DLGAP1: variants seen among roughly 807,000 people sequenced by gnomAD.
DLGAP1 encodes the protein DLG associated protein 1, also known as disks large-associated protein 1.
Under a neutral mutation model 90.8 loss-of-function variants are expected in DLGAP1, and 11 were observed. The ratio of observed to expected loss-of-function variants is 0.12; its 90% CI spans 0.08 to 0.20. The LOEUF is 0.20. Ranked by LOEUF, DLGAP1 falls within the 10% of genes least tolerant of loss-of-function variation. The pLI is 1.00. For missense variants in DLGAP1, 1,050 were observed against 1,333.8 expected, an observed-to-expected ratio of 0.79 and a Z score of 3.31; for synonymous variants, 558 against 540.7, an observed-to-expected ratio of 1.03 and a Z score of -0.44.
intron 1 of DLGAP1, among the ~76,000 whole-genome samples, chr18:4,346,973 A>C (rs1446296801): frequency 6.6e-6 from 1 of 152,142 alleles, no homozygotes; most frequent in Non-Finnish European, 1.5e-5. Context: ...ATCAGAAAAC[A>C]AAAGGCAGAA....
At chr18:4,309,084 G>C (rs1286529519) in intron 1 of DLGAP1, among the ~76,000 whole-genome samples, 1 of 152,176 alleles carries the variant, frequency 6.6e-6, no homozygotes, top group African/African-American at 2.4e-5. Context: ...TACAGTTATC[G>C]GGTAAGATGT....
chr18:3,827,984 T>C (rs1356963554), intron 4 of DLGAP1, among the ~76,000 whole-genome samples: 1 of 152,236 alleles, frequency 6.6e-6, no homozygotes, highest in Non-Finnish European at 1.5e-5. Flanking sequence ...GCTTGCCAAA[T>C]GAATAGTTTT....
intron 8 of DLGAP1, among the ~76,000 whole-genome samples, chr18:3,574,814 ATTTTAT>A (rs1447416801): frequency 1.4e-4 from 7 of 50,198 alleles, no homozygotes; most frequent in African/African-American, 4.3e-4. Flanking sequence ...ATTTTATTTT[ATTTTAT>A]TTTATTTATT....
chr18:3,614,025 G>A (rs572612076), intron 7 of DLGAP1, among the ~76,000 whole-genome samples: 26 of 152,130 alleles, frequency 1.7e-4, no homozygotes, highest in Non-Finnish European at 3.4e-4. Flanking sequence ...AGGTTCAAGC[G>A]ATTCCCCTGC....
intron 6 of DLGAP1, among the ~76,000 whole-genome samples, chr18:3,741,118 C>T (rs2062952496): frequency 2.3e-5 from 3 of 129,688 alleles, no homozygotes; most frequent in Non-Finnish European, 5.0e-5. Context: ...ATCACCACCA[C>T]CATCACCACC....
At position 4,342,950 on chromosome 18, in the gene DLGAP1, G is replaced by A. The variant is rs541776329; in HGVS notation, c.-267+112056C>T. 5.8e-4 allele frequency among the ~76,000 whole-genome samples: 88 copies of A among 152,154 alleles called. No homozygotes were observed. Among genetic ancestry groups the A allele is most frequent in the Non-Finnish European group, 1.1e-3 (74 of 68,004 alleles). ...AAATTTTTGGCTTTATAAAGCTCAC[G>A]GATTATTTCAGATTCAGGATTGTAC... On this transcript the variant is annotated intron_variant, in intron 1 of 12. Coordinates refer to ENST00000315677, the MANE Select transcript of DLGAP1 (RefSeq NM_004746.4). This position sits in a 1 kb window ranked among gnomAD's most constrained non-coding sequence, Gnocchi z 5.8.
chr18:3,559,846 C>A (rs1471965739), intron 9 of DLGAP1, among the ~76,000 whole-genome samples: 1 of 151,886 alleles, frequency 6.6e-6, no homozygotes, highest in Non-Finnish European at 1.5e-5. Flanking sequence ...TGGTCTTGAA[C>A]TCCTGACCTC....
chr18:3,887,021 A>G (rs1307231035), intron 3 of DLGAP1, among the ~76,000 whole-genome samples: 1 of 152,184 alleles, frequency 6.6e-6, no homozygotes, highest in East Asian at 1.9e-4. Context: ...TCCGCCCTGG[A>G]TGTGCACCTC....
chr18:3,832,175 G>T (rs1472934788), intron 4 of DLGAP1, among the ~76,000 whole-genome samples: 1 of 152,144 alleles, frequency 6.6e-6, no homozygotes, highest in Non-Finnish European at 1.5e-5. Flanking sequence ...TCCCGACATT[G>T]ACTGGAATTC....
intron 7 of DLGAP1, among the ~76,000 whole-genome samples, chr18:3,600,745 TAG>T (rs1568277588): frequency 0.019 from 1,237 of 65,260 alleles, 276 homozygotes; most frequent in Admixed American, 0.026. Context: ...TATAGATATA[TAG>T]ATATATATAG....
intron 3 of DLGAP1, among the ~76,000 whole-genome samples, chr18:3,893,406 C>T (rs1207315097): frequency 6.6e-6 from 1 of 151,676 alleles, no homozygotes; most frequent in East Asian, 1.9e-4. Flanking sequence ...GTGAAATCCC[C>T]TTTCTACTAA....
intron 3 of DLGAP1, among the ~76,000 whole-genome samples, chr18:3,901,856 G>A (rs149726629): frequency 1.1e-3 from 164 of 152,278 alleles, no homozygotes; most frequent in African/African-American, 3.7e-3. Context: ...ATGAGCTGAA[G>A]GAGAAGTCTA....
At chr18:3,663,754 A>C (rs2059771050) in intron 7 of DLGAP1, among the ~76,000 whole-genome samples, 2 of 152,110 alleles carry the variant, frequency 1.3e-5, no homozygotes, top group Admixed American at 1.3e-4. Flanking sequence ...GCTGTCTTGG[A>C]CTCTCAAGAC....
chr18:4,407,051 C>A (rs1449114342), intron 1 of DLGAP1, among the ~76,000 whole-genome samples: 3 of 152,106 alleles, frequency 2.0e-5, no homozygotes, highest in African/African-American at 7.2e-5. Flanking sequence ...TTGTTAGTTG[C>A]TGAACCATGA....
chr18:4,403,151 T>C (rs2082591731), intron 1 of DLGAP1, among the ~76,000 whole-genome samples: 1 of 152,180 alleles, frequency 6.6e-6, no homozygotes, highest in South Asian at 2.1e-4. Context: ...AAAGTTGATA[T>C]GTTATAGGCC....
intron 3 of DLGAP1, chr18:3,984,112 T>C (rs897228369): frequency 2.6e-5 from 4 of 152,100 alleles, no homozygotes; most frequent in Non-Finnish European, 5.9e-5. Flanking sequence ...AAAAAAATAA[T>C]CAGAAAATCC....
Position 4,146,319 on chromosome 18 carries a change from C to T in DLGAP1, c.-159+4861G>A, listed in dbSNP as rs757472261. Among the ~76,000 whole-genome samples, 100 of 152,282 alleles carry T rather than the reference C, an allele frequency of 6.6e-4. No individual in the cohort carries two copies. In the Middle Eastern group the frequency reaches 0.01, roughly 16 times the overall value. ...ATAGAGTGGTTCAGTCCATTCGCCA[C>T]GTTCACACAGTTAATAAATGAAAGA... On this transcript the variant is annotated intron_variant, in intron 2 of 12. Coordinates refer to ENST00000315677, the MANE Select transcript of DLGAP1 (RefSeq NM_004746.4).
intron 2 of DLGAP1, among the ~76,000 whole-genome samples, chr18:4,148,872 C>T (rs2076628541): frequency 6.6e-6 from 1 of 152,206 alleles, no homozygotes; most frequent in Non-Finnish European, 1.5e-5. Flanking sequence ...CACAACACAA[C>T]CACAGGCTTT....
chr18:4,019,015 C>A (rs1462018248), intron 2 of DLGAP1, among the ~76,000 whole-genome samples: 1 of 152,162 alleles, frequency 6.6e-6, no homozygotes, highest in Non-Finnish European at 1.5e-5. Flanking sequence ...TGAAAAACAT[C>A]ATTGACTGAA....
Sources: allele counts gnomAD v4.1 joint callset (sites outside exome capture counted in the v4.1 genomes callset), GRCh38; gene constraint gnomAD v4.1.1; non-coding constraint Gnocchi (gnomAD v3.1); transcripts MANE v1.5; gene names NCBI Gene and HGNC (gene_info 2026-07-23, HGNC 2026-07-21).